Variants in WDR45 observed in about 807,000 individuals in gnomAD.
WDR45 encodes WD repeat domain 45.
A neutral mutation model predicts 27.3 loss-of-function variants in WDR45; 2 were observed. The observed-to-expected ratio is 0.07, with a 90% confidence interval of 0.03 to 0.23. WDR45 has a LOEUF of 0.23. Among genes scored for constraint, WDR45 ranks in the 10% least tolerant of loss-of-function variants. The pLI, the probability that WDR45 is intolerant of heterozygous loss-of-function variation, is 1.00. For missense variants in WDR45, 175 were observed against 311.9 expected, an observed-to-expected ratio of 0.56 and a Z score of 3.31; for synonymous variants, 99 against 119.2, an observed-to-expected ratio of 0.83 and a Z score of 1.11.
chrX:49,085,746 G>T (rs1316231833), intron 2 of WDR45, among the ~76,000 whole-genome samples: 2 of 110,460 alleles, frequency 1.8e-5, no homozygotes, highest in Admixed American at 9.7e-5. Flanking sequence ...GAGTGATGGC[G>T]TGTGCCTCTA....
At chrX:49,099,674 A>G (rs1172239724) in intron 2 of WDR45, among the ~76,000 whole-genome samples, 1 of 107,836 alleles carries the variant, frequency 9.3e-6, no homozygotes, top group Middle Eastern at 4.3e-3. Flanking sequence ...CCAGCTACTC[A>G]GGAGGCTGAG....
chrX:49,085,890 C>G (rs1190763079), intron 2 of WDR45, among the ~76,000 whole-genome samples: 1 of 112,129 alleles, frequency 8.9e-6, no homozygotes, highest in Non-Finnish European at 1.9e-5. Context: ...GGACAATATT[C>G]CAATGACCTA....
intron 2 of WDR45, among the ~76,000 whole-genome samples, chrX:49,090,816 G>T (rs1487395961): frequency 9.1e-6 from 1 of 110,402 alleles, no homozygotes; most frequent in Non-Finnish European, 1.9e-5. Context: ...GGGATTACAG[G>T]TGTGAGCCAC....
intron 2 of WDR45, among the ~76,000 whole-genome samples, chrX:49,089,216 A>G (rs1557086305): frequency 9.0e-6 from 1 of 111,600 alleles, no homozygotes; most frequent in African/African-American, 3.2e-5. Flanking sequence ...TGAACTCAGG[A>G]GGCGGAAGCT....
At chrX:49,075,510 G>A in intron 8 of WDR45, 35 bp downstream of exon 8, 1 of 1,210,881 alleles carries the variant, frequency 8.3e-7, no homozygotes, top group Non-Finnish European at 1.1e-6. Flanking sequence ...ATGTGGTATG[G>A]GGTCACCAGC....
upstream of WDR45, among the ~76,000 whole-genome samples, chrX:49,083,855 G>T (rs1294586215): frequency 1.3e-4 from 13 of 102,867 alleles, no homozygotes; most frequent in East Asian, 3.9e-3. Context: ...GCTGAGGCGG[G>T]AGAATCGCTT....
Position 49,074,737 on chromosome X carries a change from C to T in WDR45, c.*66G>A. On this transcript the variant is annotated 3_prime_UTR_variant, in exon 11 of 11. Coordinates refer to ENST00000376372, the MANE Select transcript of WDR45 (RefSeq NM_001029896.2). ...TGCTGGCTGGTGGCTTCCAAGCACGCCCCACTGCCAAGGCTCAGCTCTGCA... is the reference window on the plus strand; with the variant it reads ...TGCTGGCTGGTGGCTTCCAAGCACGTCCCACTGCCAAGGCTCAGCTCTGCA... 3.0e-6 allele frequency: 3 copies of T among 983,682 alleles called. No individual in the cohort carries two copies. The highest frequency in any genetic ancestry group is 7.7e-4 in the Middle Eastern group (2 of 2,610). 81.1% of individuals were successfully genotyped at this position (983,682 alleles called of 1,213,427 possible). A position where few individuals can be genotyped will look rare whatever the true frequency, so the allele number is the denominator to read the frequency against.
chrX:49,082,328 C>T (rs918220899), upstream of WDR45, among the ~76,000 whole-genome samples: 22 of 111,287 alleles, frequency 2.0e-4, no homozygotes, highest in Non-Finnish European at 3.8e-5. Flanking sequence ...TCCTTTTTAA[C>T]TGGTTCATGA....
chrX:49,099,321 T>C (rs868933602), intron 2 of WDR45, among the ~76,000 whole-genome samples: 3 of 105,526 alleles, frequency 2.8e-5, no homozygotes, highest in African/African-American at 1.1e-4. Flanking sequence ...AGACTCCATT[T>C]CAAAAAAAAA....
chrX:49,079,241 C>G (rs1199677052), intron 1 of WDR45: 1 of 104,350 alleles, frequency 9.6e-6, no homozygotes, highest in African/African-American at 3.5e-5. Flanking sequence ...AGGAACCCCC[C>G]CCATCCTCCT....
At chrX:49,085,376 G>A (rs2065082985) in intron 2 of WDR45, among the ~76,000 whole-genome samples, 1 of 112,036 alleles carries the variant, frequency 8.9e-6, no homozygotes, top group Non-Finnish European at 1.9e-5. Context: ...ACAGGGCATA[G>A]AGTACACAGG....
chrX:49,081,592 T>C (rs1487739810), upstream of WDR45, among the ~76,000 whole-genome samples: 1 of 106,210 alleles, frequency 9.4e-6, no homozygotes, highest in Non-Finnish European at 1.9e-5. Flanking sequence ...CTGGGGAGGC[T>C]GAGGCAGGAG....
chrX:49,077,035 A>G, intron 4 of WDR45: 1 of 327,609 alleles, frequency 3.1e-6, no homozygotes, highest in East Asian at 5.6e-5. Flanking sequence ...AGGGACTCAC[A>G]CTCAGGCCTG....
chrX:49,089,786 C>CAAAAAAAAAAA (rs782204856), intron 2 of WDR45, among the ~76,000 whole-genome samples: 1 of 72,949 alleles, frequency 1.4e-5, no homozygotes, highest in Non-Finnish European at 2.5e-5. Flanking sequence ...AACCTTATCT[C>CAAAAAAAAAAA]AAAAAAAAAA....
rs1297442097 is a variant in WDR45 at position 49,099,911 on chromosome X, G to A, written c.-18+294C>T. On this transcript the variant is annotated intron_variant, in intron 2 of 11. Coordinates refer to the WDR45 transcript ENST00000356463. ...TTCTTGGGACCAGACCTGATATCAA[G>A]GTTGGCTGTTTTCAGCAGTGGAGGC... Among the ~76,000 whole-genome samples the A allele has an allele frequency of 3.6e-5, 4 of 110,456 alleles. No homozygotes were observed. The East Asian group carries it at 1.1e-3, about 31-fold the overall frequency.
chrX:49,079,268 A>C (rs1557084764), intron 1 of WDR45, among the ~76,000 whole-genome samples: 2 of 69,676 alleles, frequency 2.9e-5, no homozygotes, highest in African/African-American at 1.2e-4. Flanking sequence ...CCCCCTCTAG[A>C]CCCCTATCCA....
At chrX:49,088,744 G>A (rs1351775132) in intron 2 of WDR45, among the ~76,000 whole-genome samples, 1 of 111,852 alleles carries the variant, frequency 8.9e-6, no homozygotes, top group Non-Finnish European at 1.9e-5. Context: ...ATGCCTTTGG[G>A]AGGCTGACAT....
At chrX:49,094,188 G>A (rs781807032) in intron 2 of WDR45, among the ~76,000 whole-genome samples, 59 of 111,197 alleles carry the variant, frequency 5.3e-4, no homozygotes, top group Non-Finnish European at 9.4e-4. Flanking sequence ...GACAGGAGGG[G>A]TCAGGTGCGG....
intron 6 of WDR45, 103 bp from the exon 7 acceptor site, chrX:49,076,048 G>T: frequency 1.4e-6 from 1 of 721,123 alleles, no homozygotes; most frequent in Non-Finnish European, 2.1e-6. Context: ...TCCACGATAA[G>T]CTTAACCCGA....
Sources: gnomAD v4.1 joint callset for allele counts (sites outside exome capture counted in the v4.1 genomes callset) on GRCh38, gnomAD v4.1.1 for gene constraint, MANE v1.5 for transcripts, NCBI Gene and HGNC (gene_info 2026-07-23, HGNC 2026-07-21) for gene names.